Variants in CHMP2A observed in about 807,000 individuals in gnomAD.
CHMP2A encodes the protein charged multivesicular body protein 2A.
CHMP2A carries 6 observed loss-of-function variants against 21.8 expected under a neutral mutation model. That is an observed-to-expected ratio of 0.28 (90% CI 0.15 to 0.54). The LOEUF (loss-of-function observed/expected upper bound fraction) is 0.54, where lower values mean the gene tolerates loss of function less well. Among genes scored for constraint, CHMP2A ranks in the 20% least tolerant of loss-of-function variants. The pLI is 0.95. For synonymous variants in CHMP2A, 125 were observed against 107.0 expected, an observed-to-expected ratio of 1.17 and a Z score of -1.04; for missense variants, 303 against 293.9, an observed-to-expected ratio of 1.03 and a Z score of -0.23.
chr19:58,553,088 T>G (rs2053852008), intron 2 of CHMP2A, among the ~76,000 whole-genome samples: 1 of 151,642 alleles, frequency 6.6e-6, no homozygotes, highest in African/African-American at 2.4e-5. Context: ...GTTGGAGTCT[T>G]GCTTTGTTGC....
chr19:58,552,584 C>CTGGT, intron 2 of CHMP2A, 146 bp from the exon 3 acceptor site: 1 of 771,392 alleles, frequency 1.3e-6, no homozygotes, highest in East Asian at 2.7e-5. Context: ...CCAATGGTCA[C>CTGGT]TGGTCCCTCC....
chr19:58,553,980 CTCTT>C (rs2053862522), intron 2 of CHMP2A, 61 bp downstream of exon 2: 1 of 1,593,358 alleles, frequency 6.3e-7, no homozygotes, highest in African/African-American at 1.3e-5. Context: ...TGTCTGGTCT[CTCTT>C]GTTCACTGCT....
chr19:58,552,003 C>A, intron 4 of CHMP2A, 36 bp from the exon 5 acceptor site: 1 of 1,614,196 alleles, frequency 6.2e-7, no homozygotes, highest in Non-Finnish European at 8.5e-7. Context: ...GGGCTATGCA[C>A]TCCGTGAGGG....
Position 58,554,177 on chromosome 19 carries a change from C to T in CHMP2A, c.36G>A (p.Glu12=), listed in dbSNP as rs760585123. Residue 12 remains glutamate, a synonymous_variant, in exon 2 of 6, where the codon GAG becomes GAA. Coordinates refer to ENST00000312547, the MANE Select transcript of CHMP2A (RefSeq NM_014453.4). The part of the protein sequence containing the change: ...DLLFGRRKTP[E]ELLRQNQRAL... ...CCCTCTGGTTCTGCCGCAGTAGCTCCTCTGGCGTCTTCCGGCGCCCGAACA... is the reference window on the plus strand; with the variant it reads ...CCCTCTGGTTCTGCCGCAGTAGCTCTTCTGGCGTCTTCCGGCGCCCGAACA... 5.6e-6 allele frequency: 9 copies of T among 1,613,786 alleles called. No homozygotes were observed. Among genetic ancestry groups the T allele is most frequent in the Admixed American group, 3.3e-5 (2 of 59,984 alleles).
Position 58,552,259 on chromosome 19 carries a change from C to G in CHMP2A, c.348G>C (p.Gln116His). 6.2e-7 allele frequency: 1 copy of G among 1,614,212 alleles called. No individual in the cohort carries two copies. ...VTKAMGTMNRQLKLPQIQKIM... is the reference protein window; with the variant it reads ...VTKAMGTMNRHLKLPQIQKIM... ...GGAAGGGGGATTGGGAAAAGCGCAC[C>G]TGTCTGTTCATGGTGCCCATGGCCT... Residue 116 changes from glutamine to histidine, a missense_variant and splice_region_variant, in exon 3 of 6, where the codon CAG becomes CAC. Physicochemically the swap from Gln to His is conservative, Grantham distance 24. Transcript: ENST00000312547.
rs2053824363 is a variant in CHMP2A at position 58,551,591 on chromosome 19, A to G, written c.*58T>C. Reference sequence around the variant, plus strand: ...TAGTGTCAAATCTCTTTTATTACAGAGGGGTTGTGGTAAAAGATCCTGGGC... The same window carrying G: ...TAGTGTCAAATCTCTTTTATTACAGGGGGGTTGTGGTAAAAGATCCTGGGC... On this transcript the variant is annotated 3_prime_UTR_variant, in exon 6 of 6. Coordinates refer to ENST00000312547, the MANE Select transcript of CHMP2A (RefSeq NM_014453.4). 1.3e-5 allele frequency: 20 copies of G among 1,568,092 alleles called. No individual in the cohort carries two copies. The South Asian group carries it at 2.1e-4, about 17-fold the overall frequency.
intron 1 of CHMP2A, 193 bp from the exon 2 acceptor site, chr19:58,554,429 T>C: frequency 1.8e-6 from 1 of 550,596 alleles, no homozygotes; most frequent in Non-Finnish European, 3.2e-6. Context: ...CAGGTAGACC[T>C]GAAAATTATC....
At chr19:58,553,269 G>A (rs11882226) in intron 2 of CHMP2A, among the ~76,000 whole-genome samples, 22,246 of 151,882 alleles carry the variant, frequency 0.15, 3,206 homozygotes, top group African/African-American at 0.37. Flanking sequence ...GGCTGGTCTC[G>A]AAATCCTGAC....
In CHMP2A at chr19:58,551,955, C is replaced by T. The variant is rs1332882196; in HGVS notation, c.492G>A (p.Val164=). Residue 164 remains valine, a synonymous_variant, in exon 5 of 6, where the codon GTG becomes GTA. Coordinates refer to ENST00000312547, the MANE Select transcript of CHMP2A (RefSeq NM_014453.4). ...GTCCCAGCTCATCCAGAACCTGGGA[C>T]ACCACAGCATCACTAGGGAAGAGAG... is the stretch of plus-strand genomic sequence containing the variant. ...EEDEEESDAV[V]SQVLDELGLS... 1 of 1,614,046 alleles carries T rather than the reference C, an allele frequency of 6.2e-7. No homozygotes were observed. Among genetic ancestry groups the T allele is most frequent in the Non-Finnish European group, 8.5e-7 (1 of 1,180,036 alleles).
intron 4 of CHMP2A, 22 bp downstream of exon 4, chr19:58,552,033 C>T (rs898356627): frequency 6.2e-6 from 10 of 1,614,086 alleles, no homozygotes; most frequent in Non-Finnish European, 7.6e-6. Flanking sequence ...CATCTCCACC[C>T]TCCCATCCAG....
In CHMP2A at chr19:58,551,673, C is replaced by A. The variant is rs753600183; in HGVS notation, c.645G>T (p.Arg215=). ...CTCAGTCCCTCCGCAGGTTCTTAAG[C>A]CGTTCCTCCAGGTCTGCATCAGCAT... ...LADADADLEE[R]LKNLRRD Residue 215 remains arginine (R), a synonymous_variant, in exon 6 of 6, where the codon CGG becomes CGT. Transcript: ENST00000312547. 1 of 1,613,916 alleles carries A rather than the reference C, an allele frequency of 6.2e-7. No homozygotes were observed. Among genetic ancestry groups the A allele is most frequent in the Non-Finnish European group, 8.5e-7 (1 of 1,180,028 alleles).
intron 2 of CHMP2A, among the ~76,000 whole-genome samples, chr19:58,553,371 G>A (rs1311237608): frequency 8.3e-6 from 1 of 120,004 alleles, no homozygotes; most frequent in Non-Finnish European, 1.7e-5. Context: ...TAGTTAACTG[G>A]TTTTTTTTTT....
chr19:58,554,094 T>A lies in CHMP2A; in HGVS notation c.119A>T (p.Glu40Val), dbSNP rs776623849. 6.2e-7 allele frequency: 1 copy of A among 1,614,146 alleles called. No homozygotes were observed. Among genetic ancestry groups the A allele is most frequent in the Non-Finnish European group, 8.5e-7 (1 of 1,180,030 alleles). ...CTTAATGTCTGCAATGATTTTCTTCTCCTGGGTCTCTAGTTTCTGTCGCTC... is the reference window on the plus strand; with the variant it reads ...CTTAATGTCTGCAATGATTTTCTTCACCTGGGTCTCTAGTTTCTGTCGCTC... ...DRERQKLETQ[E>V]KKIIADIKKM... Residue 40 changes from glutamate (E) to valine (V), a missense_variant, in exon 2 of 6, where the codon GAG becomes GTG. Glu to Val is a moderately radical substitution (Grantham distance 121). Transcript: ENST00000312547.
In CHMP2A at chr19:58,552,372, T is replaced by G; in HGVS notation, c.235A>C (p.Met79Leu). The G allele has an allele frequency of 6.2e-7, 1 of 1,614,210 alleles. No homozygotes were observed. Among genetic ancestry groups the G allele is most frequent in the Non-Finnish European group, 8.5e-7 (1 of 1,180,048 alleles). The change falls in exon 3 of 6, where the codon ATG (methionine) becomes CTG (leucine). Residue 79 changes from methionine (M) to leucine (L), a missense_variant. Transcript: ENST00000312547. ...TRRYVRKFVLMRANIQAVSLK... is the reference protein window; with the variant it reads ...TRRYVRKFVLLRANIQAVSLK... ...GACACAGCCTGGATGTTGGCCCGCATCAATACAAACTTGCGCACATAGCGC... is the reference window on the plus strand; with the variant it reads ...GACACAGCCTGGATGTTGGCCCGCAGCAATACAAACTTGCGCACATAGCGC...
chr19:58,554,263 T>A, intron 1 of CHMP2A, 27 bp from the exon 2 acceptor site: 1 of 1,573,632 alleles, frequency 6.4e-7, no homozygotes, highest in African/African-American at 1.4e-5. Flanking sequence ...TGAGGCCCAG[T>A]TGTAGGGCAT....
At chr19:58,553,474 GAT>G (rs1202034335) in intron 2 of CHMP2A, among the ~76,000 whole-genome samples, 1 of 150,950 alleles carries the variant, frequency 6.6e-6, no homozygotes, top group Non-Finnish European at 1.5e-5. Flanking sequence ...GGGTTCAAGA[GAT>G]TGTCCTGCCT....
At position 58,551,763 on chromosome 19, in the gene CHMP2A, A is replaced by G; in HGVS notation, c.555T>C (p.Thr185=). 6.2e-7 allele frequency: 1 copy of G among 1,613,918 alleles called. No homozygotes were observed. The highest frequency in any genetic ancestry group is 8.5e-7 in the Non-Finnish European group (1 of 1,180,000). ...CAGCAGCCACACTAAGCGAGCCCCC[A>G]GTTGAGGGGAGGTCTGCAGAGAAAG... ...LTDELSNLPS[T]GGSLSVAAGG... is the part of the protein sequence containing the mutation. Residue 185 remains threonine (T), a synonymous_variant, in exon 6 of 6, where the codon ACT becomes ACC. Transcript: ENST00000312547.
At chr19:58,553,715 C>T (rs1037537344) in intron 2 of CHMP2A, 1 of 334,118 alleles carries the variant, frequency 3.0e-6, no homozygotes, top group Non-Finnish European at 5.6e-6. Context: ...CACTTTGGCC[C>T]AGAGTTCTGA....
intron 2 of CHMP2A, among the ~76,000 whole-genome samples, chr19:58,553,370 G>GT (rs2053854873): frequency 2.8e-5 from 3 of 107,416 alleles, no homozygotes; most frequent in South Asian, 3.1e-4. Flanking sequence ...ATAGTTAACT[G>GT]GTTTTTTTTT....
Sources: allele counts gnomAD v4.1 joint callset (sites outside exome capture counted in the v4.1 genomes callset), GRCh38; gene constraint gnomAD v4.1.1; transcripts MANE v1.5; gene names NCBI Gene and HGNC (gene_info 2026-07-23, HGNC 2026-07-21).